The following FRG1 variants were observed in gnomAD, a reference collection of about 807,000 sequenced individuals.
FRG1 encodes the protein FSHD region gene 1, also known as protein FRG1.
A neutral mutation model predicts 37.0 loss-of-function variants in FRG1; 19 were observed. That is an observed-to-expected ratio of 0.51 (90% CI 0.36 to 0.75). FRG1 has a LOEUF of 0.75. Ranked by LOEUF, FRG1 falls within the 30% of genes least tolerant of loss-of-function variation. The pLI, the probability that FRG1 is intolerant of heterozygous loss-of-function variation, is 0.00. For synonymous variants in FRG1, 73 were observed against 96.5 expected, an observed-to-expected ratio of 0.76 and a Z score of 1.43; for missense variants, 243 against 301.4, an observed-to-expected ratio of 0.81 and a Z score of 1.44.
At chr4:189,942,270 C>T (rs1484569240) in intron 1 of FRG1, among the ~76,000 whole-genome samples, 1 of 151,926 alleles carries the variant, frequency 6.6e-6, no homozygotes, top group Non-Finnish European at 1.5e-5. Context: ...CCCTTTTGTA[C>T]AGTCAGGGGT....
At chr4:189,958,761 A>G (rs2126821386) in intron 6 of FRG1, among the ~76,000 whole-genome samples, 1 of 146,146 alleles carries the variant, frequency 6.8e-6, no homozygotes, top group Non-Finnish European at 1.5e-5. Context: ...TTGGAATCTG[A>G]TGAAAACATT....
chr4:189,950,257 A>G (rs1218809510), intron 2 of FRG1, among the ~76,000 whole-genome samples: 1 of 152,226 alleles, frequency 6.6e-6, no homozygotes, highest in East Asian at 1.9e-4. Flanking sequence ...TTCTCTATAT[A>G]GTCTGGATAT....
chr4:189,960,920 T>C lies in FRG1; in HGVS notation c.629+81T>C. ...GTGCTTTCAAAATAAATTACCTACTTAGCTGGGCATGGTGGTACATGCCTA... is the reference window on the plus strand; with the variant it reads ...GTGCTTTCAAAATAAATTACCTACTCAGCTGGGCATGGTGGTACATGCCTA... On this transcript the variant is annotated intron_variant, in intron 7 of 8. Transcript: ENST00000226798. 2.0e-6 allele frequency: 3 copies of C among 1,506,384 alleles called. No homozygotes were observed. The South Asian group carries it at 3.8e-5, about 19-fold the overall frequency. 93.3% of individuals were successfully genotyped at this position (1,506,384 alleles called of 1,614,324 possible).
Position 189,952,188 on chromosome 4 carries a change from G to C in FRG1, c.160G>C (p.Gly54Arg). ...AATCTGGTGGACAGTAACAAACTTT[G>C]GTGAAATTTCAGGAACCATAGCCAT... The part of the protein sequence containing the change: ...VGIWWTVTNF[G>R]EISGTIAIEM... Residue 54 changes from glycine to arginine, a missense_variant, in exon 3 of 9, where the codon GGT becomes CGT. By Grantham distance (125) the Gly-to-Arg change is moderately radical. Coordinates refer to ENST00000226798, the MANE Select transcript of FRG1 (RefSeq NM_004477.3). The C allele has an allele frequency of 6.3e-7, 1 of 1,596,618 alleles. No individual in the cohort carries two copies. Among genetic ancestry groups the C allele is most frequent in the South Asian group, 1.1e-5 (1 of 88,038 alleles).
At chr4:189,947,562 A>C (rs1359776192) in intron 2 of FRG1, among the ~76,000 whole-genome samples, 3 of 152,152 alleles carry the variant, frequency 2.0e-5, no homozygotes, top group Admixed American at 2.0e-4. Flanking sequence ...CCTCAGCCAC[A>C]TGTTCTAGGT....
rs1444621601 is a variant in FRG1, at chr4:189,942,745, G to C, written c.63-457G>C. On this transcript the variant is annotated intron_variant, in intron 1 of 8. Coordinates refer to ENST00000226798, the MANE Select transcript of FRG1 (RefSeq NM_004477.3). ...CTTAGGAGTAAAATTGCTGGGTCATGTGGTAACTTTAACTTTTTGAGGAAC... is the reference window on the plus strand; with the variant it reads ...CTTAGGAGTAAAATTGCTGGGTCATCTGGTAACTTTAACTTTTTGAGGAAC... 5.9e-5 allele frequency among the ~76,000 whole-genome samples: 9 copies of C among 152,304 alleles called. No individual in the cohort carries two copies. In the South Asian group the frequency reaches 1.7e-3, roughly 28 times the overall value.
Position 189,940,959 on chromosome 4 carries a change from T to G in FRG1, c.-51T>G, listed in dbSNP as rs759091923. The G allele has an allele frequency of 6.7e-7, 1 of 1,492,914 alleles. No homozygotes were observed. The highest frequency in any genetic ancestry group is 9.3e-7 in the Non-Finnish European group (1 of 1,074,372). 92.5% of individuals were successfully genotyped at this position (1,492,914 alleles called of 1,614,324 possible). A position where few individuals can be genotyped will look rare whatever the true frequency, so the allele number is the denominator to read the frequency against. On this transcript the variant is annotated 5_prime_UTR_variant, in exon 1 of 9. Transcript: ENST00000226798. Reference sequence around the variant, plus strand: ...CGCCCCTGTGCTGCCCCGACTCACATACTCGTCCAGAACCGGCCTCAGCCT... The same window carrying G: ...CGCCCCTGTGCTGCCCCGACTCACAGACTCGTCCAGAACCGGCCTCAGCCT...
chr4:189,959,256 A>G (rs1468353006), intron 6 of FRG1, among the ~76,000 whole-genome samples: 14 of 152,212 alleles, frequency 9.2e-5, no homozygotes, highest in Admixed American at 9.2e-4. Context: ...ATTTTCTTAC[A>G]GAAGGGAAAT....
At chr4:189,954,036 A>G (rs576386098) in intron 4 of FRG1, among the ~76,000 whole-genome samples, 191 of 152,284 alleles carry the variant, frequency 1.3e-3, no homozygotes, top group African/African-American at 4.5e-3. Context: ...ACTGCGAACA[A>G]TCAGATCTCA....
intron 4 of FRG1, 152 bp from the exon 5 acceptor site, chr4:189,954,885 C>T (rs1736913568): frequency 1.8e-6 from 1 of 562,988 alleles, no homozygotes. Flanking sequence ...TGAGTCACCA[C>T]TCAGCCACAT....
intron 4 of FRG1, 47 bp downstream of exon 4, chr4:189,953,172 T>C: frequency 6.6e-7 from 1 of 1,512,338 alleles, no homozygotes. Context: ...TTTTAAAAAT[T>C]TAATTGTATT....
chr4:189,948,589 G>A (rs1475034729), intron 2 of FRG1, among the ~76,000 whole-genome samples: 1 of 152,164 alleles, frequency 6.6e-6, no homozygotes, highest in African/African-American at 2.4e-5. Context: ...GAAGCACTGG[G>A]TTAGTCAGAA....
chr4:189,959,880 G>A (rs1279420134), intron 6 of FRG1: 1 of 984,552 alleles, frequency 1.0e-6, no homozygotes, highest in Non-Finnish European at 1.2e-6. Flanking sequence ...TCACCTTTAT[G>A]ACCTTGCCTT....
intron 6 of FRG1, among the ~76,000 whole-genome samples, chr4:189,958,475 T>G (rs945359131): frequency 2.6e-5 from 4 of 152,256 alleles, no homozygotes; most frequent in African/African-American, 9.6e-5. Flanking sequence ...AGTACCCGTC[T>G]TCTTTGCATT....
chr4:189,953,379 TGAATC>T (rs1736844380), intron 4 of FRG1, among the ~76,000 whole-genome samples: 1 of 152,002 alleles, frequency 6.6e-6, no homozygotes, highest in African/African-American at 2.4e-5. Context: ...GATTAAAAAA[TGAATC>T]AAATAGTACA....
At chr4:189,948,635 A>G (rs1579624647) in intron 2 of FRG1, among the ~76,000 whole-genome samples, 1 of 152,244 alleles carries the variant, frequency 6.6e-6, no homozygotes, top group East Asian at 1.9e-4. Flanking sequence ...TGATGCTAGA[A>G]TGAGGGTGCC....
chr4:189,954,992 A>C (rs1736918455), intron 4 of FRG1, 45 bp from the exon 5 acceptor site: 2 of 1,225,332 alleles, frequency 1.6e-6, no homozygotes, highest in African/African-American at 3.0e-5. Context: ...CCTATAATTA[A>C]TTTTCTCTCA....
chr4:189,941,490 C>T (rs1371339938), intron 1 of FRG1, among the ~76,000 whole-genome samples: 1 of 152,156 alleles, frequency 6.6e-6, no homozygotes, highest in Non-Finnish European at 1.5e-5. Context: ...TACAGTGAAA[C>T]CAGGATGAAT....
rs1737257956 is a variant in FRG1 at position 189,961,952 on chromosome 4, T to C, written c.740+20T>C. The stretch of plus-strand genomic sequence containing the variant: ...GGACAGGTAGCTATTTATTTACTTA[T>C]TTCCACTATTTTCAGTAGCCAATAG... On this transcript the variant is annotated intron_variant, in intron 8 of 8. Transcript: ENST00000226798. The C allele has an allele frequency of 7.9e-7, 1 of 1,265,330 alleles. No homozygotes were observed. The allele number at this position is 1,265,330 out of a possible 1,614,324, so 78.4% of individuals were successfully genotyped here. A position where few individuals can be genotyped will look rare whatever the true frequency, so the allele number is the denominator to read the frequency against.
Sources: gnomAD v4.1 joint callset for allele counts (sites outside exome capture counted in the v4.1 genomes callset) on GRCh38, gnomAD v4.1.1 for gene constraint, MANE v1.5 for transcripts, NCBI Gene and HGNC (gene_info 2026-07-23, HGNC 2026-07-21) for gene names.